The following SPAST variants were observed in gnomAD, a reference collection of about 807,000 sequenced individuals.
The protein encoded by SPAST is spastic paraplegia 4 (autosomal dominant; spastin).
In SPAST, 30 loss-of-function variants were observed where a neutral mutation model predicts 76.6. The observed-to-expected ratio is 0.39, with a 90% CI of 0.29 to 0.53. The LOEUF (loss-of-function observed/expected upper bound fraction) is 0.53. Ranked by LOEUF, SPAST falls within the 20% of genes least tolerant of loss-of-function variation. SPAST has a pLI of 0.68. For missense variants in SPAST, 717 were observed against 770.5 expected, an observed-to-expected ratio of 0.93 and a Z score of 0.82; for synonymous variants, 305 against 281.0, an observed-to-expected ratio of 1.09 and a Z score of -0.86.
intron 1 of SPAST, 82 bp downstream of exon 1, chr2:32,064,328 C>CT: frequency 7.6e-7 from 1 of 1,308,504 alleles, no homozygotes. Context: ...ACCTGCGTCC[C>CT]TTTTCTGCGG....
At chr2:32,126,790 T>C (rs1241203733) in intron 7 of SPAST, 158 bp from the exon 8 acceptor site, 62 of 604,336 alleles carry the variant, frequency 1.0e-4, no homozygotes, top group Non-Finnish European at 1.7e-4. Flanking sequence ...CCAGCTGTTT[T>C]TAATTATTAC....
At chr2:32,146,243 A>C (rs1172959146) in intron 15 of SPAST, among the ~76,000 whole-genome samples, 1 of 152,174 alleles carries the variant, frequency 6.6e-6, no homozygotes, top group Non-Finnish European at 1.5e-5. Context: ...TTTGGGTTTA[A>C]AAAAAGATTC....
In SPAST at chr2:32,150,536, C is replaced by T. The variant is rs555782180; in HGVS notation, c.1728+3278C>T. On this transcript the variant is annotated intron_variant, in intron 16 of 16. Transcript: ENST00000315285. ...CACTGCACCCTCTAGCTCCTGGGCT[C>T]AGGCAATCCTCCTGCCTCAGCCTTT... is the stretch of plus-strand genomic sequence containing the variant. Among the ~76,000 whole-genome samples, 101 of 151,826 alleles carry T rather than the reference C, an allele frequency of 6.7e-4. 1 individual carries two copies. In the Middle Eastern group the frequency reaches 0.01, roughly 15 times the overall value.
intron 12 of SPAST, among the ~76,000 whole-genome samples, chr2:32,141,630 G>GAT (rs1679722485): frequency 6.6e-6 from 1 of 152,150 alleles, no homozygotes; most frequent in Non-Finnish European, 1.5e-5. Context: ...CAAGAAGACA[G>GAT]ATCTACTTAT....
chr2:32,091,728 G>T (rs1271248273), intron 3 of SPAST, among the ~76,000 whole-genome samples: 1 of 151,914 alleles, frequency 6.6e-6, no homozygotes, highest in Non-Finnish European at 1.5e-5. Context: ...CAGCTACTTG[G>T]GAGGCTGAGG....
rs1406772442 is a variant in SPAST, at chr2:32,155,280, T to G, written c.*784T>G. On this transcript the variant is annotated 3_prime_UTR_variant, in exon 17 of 17. Transcript: ENST00000315285. ...TGCAGTATTTTTTTTTCTAATGTAT[T>G]TGTCAGAAATCTGTTGTAGACTGTT... is the stretch of plus-strand genomic sequence containing the variant. 6.6e-6 allele frequency: 1 copy of G among 152,604 alleles called. No individual in the cohort carries two copies. The highest frequency in any genetic ancestry group is 1.5e-5 in the Non-Finnish European group (1 of 68,016). 9.5% of individuals were successfully genotyped at this position (152,604 alleles called of 1,614,324 possible).
rs1677529825 is a variant in SPAST, at chr2:32,087,473, A to G, written c.416-19A>G. 6.7e-7 allele frequency: 1 copy of G among 1,490,044 alleles called. No homozygotes were observed. The highest frequency in any genetic ancestry group is 1.7e-4 in the Middle Eastern group (1 of 5,750). The allele number at this position is 1,490,044 out of a possible 1,614,324, so 92.3% of individuals were successfully genotyped here. ...TGTACTCTTCATACGATCTATACAA[A>G]TAATTTTTTATTTTAAAGCAGGACA... On this transcript the variant is annotated intron_variant, in intron 1 of 16. Transcript: ENST00000315285.
chr2:32,083,665 A>G (rs1244247304), intron 1 of SPAST, among the ~76,000 whole-genome samples: 6 of 140,332 alleles, frequency 4.3e-5, no homozygotes, highest in Non-Finnish European at 7.6e-5. Flanking sequence ...CTATATATAT[A>G]TATATATATA....
At chr2:32,104,773 A>G (rs189713900) in intron 4 of SPAST, among the ~76,000 whole-genome samples, 1,690 of 152,306 alleles carry the variant, frequency 0.011, 15 homozygotes, top group Middle Eastern at 0.017. Flanking sequence ...AATGTTGAAT[A>G]TTGGCCCCCA....
At position 32,114,751 on chromosome 2, in the gene SPAST, G is replaced by A. The variant is rs1678760059; in HGVS notation, c.796G>A (p.Ala266Thr). ...TGCAGGCCTTTCAGGCCACCATAGA[G>A]CACCTAGTTACAGTGGTTTATCCAT... is the stretch of plus-strand genomic sequence containing the variant. ...GSAGLSGHHR[A>T]PSYSGLSMVS... The change falls in exon 5 of 17, where the codon GCA becomes ACA. Residue 266 changes from alanine to threonine, a missense_variant. Coordinates refer to ENST00000315285, the MANE Select transcript of SPAST (RefSeq NM_014946.4). 3.7e-6 allele frequency: 6 copies of A among 1,613,928 alleles called. No homozygotes were observed. The highest frequency in any genetic ancestry group is 1.7e-5 in the Admixed American group (1 of 59,988).
At chr2:32,139,397 A>G (rs1253091528) in intron 12 of SPAST, among the ~76,000 whole-genome samples, 1 of 152,200 alleles carries the variant, frequency 6.6e-6, no homozygotes, top group African/African-American at 2.4e-5. Flanking sequence ...AGGCTACTAG[A>G]ACTGATAAAT....
chr2:32,077,095 C>T (rs955761878), intron 1 of SPAST, among the ~76,000 whole-genome samples: 2 of 151,998 alleles, frequency 1.3e-5, no homozygotes, highest in Admixed American at 6.6e-5. Context: ...AGGCTGATCT[C>T]GAACTCTTGA....
intron 7 of SPAST, among the ~76,000 whole-genome samples, chr2:32,116,914 C>A (rs1678855794): frequency 6.6e-6 from 1 of 152,128 alleles, no homozygotes; most frequent in African/African-American, 2.4e-5. Flanking sequence ...TTGCAGTGAG[C>A]CAAGATGGCA....
intron 9 of SPAST, chr2:32,130,389 G>T (rs1231181754): frequency 6.6e-6 from 1 of 152,148 alleles, no homozygotes; most frequent in Non-Finnish European, 1.5e-5. Context: ...CATGTTACCT[G>T]TAAAAGTTTG....
chr2:32,154,316 G>T, intron 16 of SPAST, 58 bp from the exon 17 acceptor site: 2 of 1,485,434 alleles, frequency 1.3e-6, no homozygotes, highest in African/African-American at 1.4e-5. Context: ...CCATCATTTC[G>T]TTAACCACCA....
chr2:32,068,514 G>A (rs1416755151), intron 1 of SPAST, among the ~76,000 whole-genome samples: 1 of 151,906 alleles, frequency 6.6e-6, no homozygotes. Context: ...AGTAGAGACA[G>A]CATTTCACCA....
chr2:32,108,477 A>G (rs1176154643), intron 4 of SPAST, among the ~76,000 whole-genome samples: 4 of 152,122 alleles, frequency 2.6e-5, no homozygotes, highest in Admixed American at 2.6e-4. Flanking sequence ...TCACAGTTAT[A>G]TACATCTTTA....
chr2:32,069,702 G>A (rs745968430), intron 1 of SPAST, among the ~76,000 whole-genome samples: 11 of 151,748 alleles, frequency 7.2e-5, no homozygotes, highest in Non-Finnish European at 1.3e-4. Context: ...GACTACAGGC[G>A]CCTGCCATCA....
chr2:32,128,424 C>A lies in SPAST; in HGVS notation c.1190C>A (p.Ala397Glu). 1 of 1,611,312 alleles carries A rather than the reference C, an allele frequency of 6.2e-7. No individual in the cohort carries two copies. The highest frequency in any genetic ancestry group is 8.5e-7 in the Non-Finnish European group (1 of 1,177,570). The change falls in exon 9 of 17, where the codon GCA becomes GAA. Residue 397 changes from alanine (A) to glutamate (E), a missense_variant. Around this residue, in one of 3 missense-constraint regions of SPAST, gnomAD observed 78 missense variants for 197.6 expected, o/e 0.39. Transcript: ENST00000315285. ...GKTMLAKAVAAESNATFFNIS... is the reference protein window; with the variant it reads ...GKTMLAKAVAEESNATFFNIS... ...TTTTTAAAGGCTAAAGCAGTAGCTGCAGAATCGAATGCAACCTTCTTTAAT... is the reference window on the plus strand; with the variant it reads ...TTTTTAAAGGCTAAAGCAGTAGCTGAAGAATCGAATGCAACCTTCTTTAAT...
Sources: gnomAD v4.1 joint callset for allele counts (sites outside exome capture counted in the v4.1 genomes callset) on GRCh38, gnomAD v4.1.1 for gene constraint, gnomAD v4.1.1 regional missense constraint, MANE v1.5 for transcripts, NCBI Gene and HGNC (gene_info 2026-07-23, HGNC 2026-07-21) for gene names.